KAZN: variants seen among roughly 807,000 people sequenced by gnomAD.
KAZN encodes kazrin, periplakin interacting protein.
KAZN carries 40 observed loss-of-function variants against 87.4 expected under a neutral mutation model. The observed-to-expected ratio is 0.46, with a 90% CI of 0.36 to 0.60. The LOEUF is 0.60. Among genes scored for constraint, KAZN ranks in the 20% least tolerant of loss-of-function variants. KAZN has a pLI of 0.00. For synonymous variants in KAZN, 466 were observed against 458.3 expected (o/e 1.02, Z -0.22); for missense variants, 898 against 1,073.9 (o/e 0.84, Z 2.29).
intron 8 of KAZN, among the ~76,000 whole-genome samples, chr1:15,075,029 G>A (rs1639676254): frequency 6.6e-6 from 1 of 152,192 alleles, no homozygotes; most frequent in Non-Finnish European, 1.5e-5. Context: ...CAGATGAGAA[G>A]ACTGAGGCCC....
At chr1:13,974,280 T>C (rs1321509469) in intron 1 of KAZN, among the ~76,000 whole-genome samples, 1 of 152,250 alleles carries the variant, frequency 6.6e-6, no homozygotes, top group South Asian at 2.1e-4. Context: ...AATCTAGGCA[T>C]AATGGGCCAC....
intron 1 of KAZN, among the ~76,000 whole-genome samples, chr1:14,928,450 A>G (rs1659420189): frequency 7.9e-6 from 1 of 127,030 alleles, no homozygotes; most frequent in Non-Finnish European, 1.6e-5. Context: ...CTCAGTCTCA[A>G]AAAAAAAACA....
At chr1:14,386,508 G>A (rs1452638724) in intron 2 of KAZN, among the ~76,000 whole-genome samples, 4 of 151,714 alleles carry the variant, frequency 2.6e-5, no homozygotes, top group African/African-American at 9.7e-5. Context: ...GGGCAGGCCT[G>A]GTGGTGACAA....
At chr1:14,326,233 A>G (rs181399028) in intron 2 of KAZN, among the ~76,000 whole-genome samples, 4 of 152,120 alleles carry the variant, frequency 2.6e-5, no homozygotes, top group African/African-American at 7.2e-5. Flanking sequence ...CCACCAACAC[A>G]TCTAAGGAAA....
chr1:14,672,865 C>T (rs77443870), intron 1 of KAZN, among the ~76,000 whole-genome samples: 6,452 of 152,242 alleles, frequency 0.042, 334 homozygotes, highest in African/African-American at 0.12. Context: ...CAGGATAGGG[C>T]TACCATAGCC....
intron 8 of KAZN, among the ~76,000 whole-genome samples, chr1:15,092,264 G>A (rs1197121471): frequency 1.3e-5 from 2 of 151,578 alleles, no homozygotes; most frequent in Non-Finnish European, 2.9e-5. Context: ...TAGTAGAGAC[G>A]GGGTTTCTCC....
At chr1:14,975,727 G>A (rs561437523) in intron 2 of KAZN, among the ~76,000 whole-genome samples, 1 of 152,260 alleles carries the variant, frequency 6.6e-6, no homozygotes, top group African/African-American at 2.4e-5. Flanking sequence ...CTACTGGGAG[G>A]TGGAAATTAA....
At chr1:13,931,508 A>C (rs534537560) in intron 1 of KAZN, among the ~76,000 whole-genome samples, 72 of 152,014 alleles carry the variant, frequency 4.7e-4, no homozygotes, top group African/African-American at 1.6e-3. Flanking sequence ...GCATAGACAC[A>C]TGCTTTTTTC....
chr1:14,853,306 G>A (rs186111946), intron 1 of KAZN, among the ~76,000 whole-genome samples: 3 of 152,248 alleles, frequency 2.0e-5, no homozygotes, highest in African/African-American at 7.2e-5. Flanking sequence ...GGACAGGAAG[G>A]GCATCCAATG....
intron 1 of KAZN, among the ~76,000 whole-genome samples, chr1:13,942,949 G>C (rs572030668): frequency 6.2e-4 from 95 of 152,158 alleles, no homozygotes; most frequent in Middle Eastern, 6.8e-3. Context: ...AGCATAAAGA[G>C]AAAAAGGGTA....
At chr1:14,715,239 C>T (rs16850760) in intron 1 of KAZN, among the ~76,000 whole-genome samples, 33,548 of 152,150 alleles carry the variant, frequency 0.22, 4,151 homozygotes, top group Admixed American at 0.31. Flanking sequence ...CCTAACAGTG[C>T]AGCCCCAGAA....
intron 2 of KAZN, among the ~76,000 whole-genome samples, chr1:15,028,584 A>G (rs543855658): frequency 1.1e-4 from 17 of 152,362 alleles, no homozygotes; most frequent in African/African-American, 3.6e-4. Flanking sequence ...GGCCCATCGC[A>G]CCAGCCTCCT....
chr1:14,626,564 TTCCAGCCTCTCG>T (rs759373163), intron 1 of KAZN, among the ~76,000 whole-genome samples: 16 of 152,152 alleles, frequency 1.1e-4, no homozygotes, highest in Admixed American at 2.6e-4. Flanking sequence ...CAGCAGCATC[TTCCAGCCTCTCG>T]TCCACTTTCT....
rs535052280 is a variant in KAZN at position 14,695,794 on chromosome 1, G to A, written c.226+96571G>A. ...GCTGGGATTACAGGCATGAGCCACC[G>A]TGCCCGGCCTCTCCACCCTGTCTTC... On this transcript the variant is annotated intron_variant, in intron 1 of 14. Coordinates refer to ENST00000376030, the MANE Select transcript of KAZN (RefSeq NM_201628.3). 1.1e-4 allele frequency among the ~76,000 whole-genome samples: 16 copies of A among 151,976 alleles called. No homozygotes were observed. In the East Asian group the frequency reaches 1.4e-3, roughly 13 times the overall value.
intron 2 of KAZN, among the ~76,000 whole-genome samples, chr1:14,474,746 G>C (rs943641405): frequency 1.3e-5 from 2 of 152,176 alleles, no homozygotes; most frequent in African/African-American, 2.4e-5. Flanking sequence ...ATACCAGATA[G>C]GAGGCCATTT....
In KAZN at chr1:15,044,045, G is replaced by A. The variant is rs749125196; in HGVS notation, c.612G>A (p.Glu204=). ...LAKEKDLLER[E]KWELRRQAKE... ...AGGAGAAGGACCTGCTGGAGCGTGA[G>A]AAGTGGGAGCTGCGGCGCCAAGCCA... The change falls in exon 4 of 15, where the codon GAG becomes GAA. Residue 204 remains glutamate (E), a synonymous_variant. Transcript: ENST00000376030. 9 of 1,612,760 alleles carry A rather than the reference G, an allele frequency of 5.6e-6. No individual in the cohort carries two copies. In the East Asian group the frequency reaches 1.8e-4, roughly 32 times the overall value.
chr1:14,382,690 T>C (rs201263383), intron 2 of KAZN, among the ~76,000 whole-genome samples: 6,341 of 146,672 alleles, frequency 0.043, 308 homozygotes, highest in East Asian at 0.28. Context: ...GGTGTATATG[T>C]GCCACATTTT....
chr1:14,126,935 G>A (rs937141626), intron 1 of KAZN, among the ~76,000 whole-genome samples: 3 of 152,108 alleles, frequency 2.0e-5, no homozygotes, highest in Non-Finnish European at 2.9e-5. Context: ...GTGAAACCCC[G>A]TCTCTACTAA....
chr1:14,335,742 T>TGC (rs1657212613), intron 2 of KAZN, among the ~76,000 whole-genome samples: 1 of 151,466 alleles, frequency 6.6e-6, no homozygotes, highest in Non-Finnish European at 1.5e-5. Flanking sequence ...GGCGTGCATG[T>TGC]GCGCGCACAC....
Sources: gnomAD v4.1 joint callset for allele counts (sites outside exome capture counted in the v4.1 genomes callset) on GRCh38, gnomAD v4.1.1 for gene constraint, MANE v1.5 for transcripts, NCBI Gene and HGNC (gene_info 2026-07-23, HGNC 2026-07-21) for gene names.